RNF13: variants seen among roughly 807,000 people sequenced by gnomAD.
The protein encoded by RNF13 is E3 ubiquitin-protein ligase RNF13.
RNF13 carries 19 observed loss-of-function variants against 37.7 expected under a neutral mutation model. That is an observed-to-expected ratio of 0.50 (90% confidence interval 0.35 to 0.74). The LOEUF is 0.74. Among genes scored for constraint, RNF13 ranks in the 30% least tolerant of loss-of-function variants. The pLI, the probability that RNF13 is intolerant of heterozygous loss-of-function variation, is 0.01. For synonymous variants in RNF13, 144 were observed against 157.8 expected (o/e 0.91, Z 0.65); for missense variants, 375 against 453.0 (o/e 0.83, Z 1.56).
At chr3:149,950,120 T>C (rs983934650) in intron 8 of RNF13, among the ~76,000 whole-genome samples, 6 of 152,334 alleles carry the variant, frequency 3.9e-5, no homozygotes, top group African/African-American at 1.2e-4. Flanking sequence ...GTGTTTTTGA[T>C]CTCTAGCACT....
At chr3:149,858,130 G>A (rs1723844920) in intron 3 of RNF13, among the ~76,000 whole-genome samples, 1 of 152,112 alleles carries the variant, frequency 6.6e-6, no homozygotes, top group Admixed American at 6.5e-5. Flanking sequence ...ATCATGTTTT[G>A]ATGCAGCCCT....
chr3:149,838,209 A>G (rs187429842), intron 1 of RNF13, among the ~76,000 whole-genome samples: 1 of 152,118 alleles, frequency 6.6e-6, no homozygotes, highest in African/African-American at 2.4e-5. Flanking sequence ...GGCTGCTTTC[A>G]TGGGCTGGCG....
chr3:149,890,725 T>C (rs1714608285), intron 4 of RNF13, among the ~76,000 whole-genome samples: 1 of 152,208 alleles, frequency 6.6e-6, no homozygotes, highest in African/African-American at 2.4e-5. Flanking sequence ...TTTTGTTTTG[T>C]TTTAAATGTG....
At chr3:149,959,625 C>G (rs1319002915) in intron 8 of RNF13, among the ~76,000 whole-genome samples, 1 of 152,180 alleles carries the variant, frequency 6.6e-6, no homozygotes, top group African/African-American at 2.4e-5. Context: ...GATTTGAAGT[C>G]CAGTGTGACT....
At chr3:149,861,855 A>G (rs1249230985) in intron 3 of RNF13, among the ~76,000 whole-genome samples, 1 of 152,190 alleles carries the variant, frequency 6.6e-6, no homozygotes, top group African/African-American at 2.4e-5. Flanking sequence ...TCCTGACTTG[A>G]TCATTACACA....
At chr3:149,906,624 C>T (rs1411761108) in intron 6 of RNF13, among the ~76,000 whole-genome samples, 3 of 136,858 alleles carry the variant, frequency 2.2e-5, no homozygotes, top group Admixed American at 2.2e-4. Flanking sequence ...TGTGGTATGT[C>T]CTTTCATTTG....
intron 3 of RNF13, among the ~76,000 whole-genome samples, chr3:149,853,714 G>A (rs1291926458): frequency 6.6e-6 from 1 of 151,136 alleles, no homozygotes; most frequent in Admixed American, 6.6e-5. Context: ...TACCTCTGGG[G>A]GTTAGAAAGT....
At chr3:149,865,566 A>G (rs1724729741) in intron 3 of RNF13, among the ~76,000 whole-genome samples, 2 of 151,984 alleles carry the variant, frequency 1.3e-5, no homozygotes, top group Admixed American at 1.3e-4. Context: ...CCTGGCCTCA[A>G]GCAATCCTCC....
At chr3:149,922,065 C>A (rs1051206159) in intron 8 of RNF13, among the ~76,000 whole-genome samples, 1 of 152,130 alleles carries the variant, frequency 6.6e-6, no homozygotes, top group Non-Finnish European at 1.5e-5. Flanking sequence ...CCTCCGCCCC[C>A]CAGGTTCAAG....
chr3:149,953,069 G>C (rs1576597336), intron 8 of RNF13, among the ~76,000 whole-genome samples: 1 of 151,854 alleles, frequency 6.6e-6, no homozygotes. Flanking sequence ...CCAATAAAGA[G>C]TAATATATAG....
chr3:149,932,565 AT>A (rs1265372071), intron 8 of RNF13, among the ~76,000 whole-genome samples: 1 of 149,664 alleles, frequency 6.7e-6, no homozygotes, highest in Non-Finnish European at 1.5e-5. Context: ...AAAGGGAGGA[AT>A]TGGCCAAAAG....
chr3:149,948,873 CA>C, intron 8 of RNF13, among the ~76,000 whole-genome samples: 1 of 152,090 alleles, frequency 6.6e-6, no homozygotes, highest in East Asian at 1.9e-4. Flanking sequence ...CAAAAAAACA[CA>C]AAAATTAGCC....
At chr3:149,865,350 A>ATATATG (rs1313886824) in intron 3 of RNF13, among the ~76,000 whole-genome samples, 2 of 148,830 alleles carry the variant, frequency 1.3e-5, no homozygotes, top group African/African-American at 4.9e-5. Flanking sequence ...ATATATATAT[A>ATATATG]TGTATAAAAC....
intron 7 of RNF13, among the ~76,000 whole-genome samples, chr3:149,918,754 C>G (rs557233120): frequency 1.3e-5 from 2 of 149,596 alleles, no homozygotes; most frequent in African/African-American, 4.9e-5. Flanking sequence ...GTCTCAAACT[C>G]CTGGGCTCAA....
At chr3:149,865,329 G>GATATATATATATATATAT (rs3028509) in intron 3 of RNF13, among the ~76,000 whole-genome samples, 10 of 139,118 alleles carry the variant, frequency 7.2e-5, no homozygotes, top group African/African-American at 1.8e-4. Flanking sequence ...ATGTTTTGGT[G>GATATATATATATATATAT]ATATATATAT....
intron 7 of RNF13, among the ~76,000 whole-genome samples, chr3:149,919,944 G>T (rs182329291): frequency 1.8e-4 from 27 of 152,212 alleles, no homozygotes; most frequent in African/African-American, 6.3e-4. Context: ...ACCCTAATAG[G>T]TATATTGTAT....
chr3:149,821,693 G>A (rs1460861525), intron 1 of RNF13, among the ~76,000 whole-genome samples: 1 of 151,082 alleles, frequency 6.6e-6, no homozygotes, highest in Middle Eastern at 3.2e-3. Context: ...TTATTTATTT[G>A]ACCCATGCTT....
chr3:149,956,399 C>T (rs1721869902), intron 8 of RNF13, among the ~76,000 whole-genome samples: 1 of 152,192 alleles, frequency 6.6e-6, no homozygotes, highest in Non-Finnish European at 1.5e-5. Flanking sequence ...GCAAAAGAAG[C>T]ATCAAAGATA....
chr3:149,816,727 C>G (rs1165402212), intron 1 of RNF13, among the ~76,000 whole-genome samples: 1 of 152,078 alleles, frequency 6.6e-6, no homozygotes, highest in Non-Finnish European at 1.5e-5. Context: ...AAATGTCAGA[C>G]TAAAGATTTT....
Sources: gnomAD v4.1 joint callset for allele counts (sites outside exome capture counted in the v4.1 genomes callset) on GRCh38, gnomAD v4.1.1 for gene constraint, MANE v1.5 for transcripts, NCBI Gene and HGNC (gene_info 2026-07-23, HGNC 2026-07-21) for gene names.